The following PARN variants were observed in gnomAD, a reference collection of about 807,000 sequenced individuals.
PARN encodes the protein poly(A)-specific ribonuclease PARN.
A neutral mutation model predicts 102.8 loss-of-function variants in PARN; 71 were observed. The observed-to-expected ratio is 0.69, with a 90% CI of 0.57 to 0.84. The LOEUF (loss-of-function observed/expected upper bound fraction) is 0.84. PARN is among the 40% of genes least tolerant of loss of function. The pLI is 0.00. For synonymous variants in PARN, 261 were observed against 252.9 expected (o/e 1.03, Z -0.30); for missense variants, 782 against 760.9 (o/e 1.03, Z -0.33).
At chr16:14,452,474 G>C (rs570456464) in intron 22 of PARN, among the ~76,000 whole-genome samples, 2 of 152,310 alleles carry the variant, frequency 1.3e-5, no homozygotes, top group African/African-American at 4.8e-5. Context: ...CATGGTTCAA[G>C]TGATTCTCAT....
intron 22 of PARN, among the ~76,000 whole-genome samples, chr16:14,455,823 A>T (rs1288132993): frequency 6.6e-6 from 1 of 152,208 alleles, no homozygotes; most frequent in African/African-American, 2.4e-5. Flanking sequence ...TGGTTCTGAA[A>T]TGACGACCTT....
intron 5 of PARN, 101 bp from the exon 6 acceptor site, chr16:14,617,751 G>A (rs1972018389): frequency 1.3e-6 from 1 of 747,116 alleles, no homozygotes; most frequent in Non-Finnish European, 2.4e-6. Flanking sequence ...AGACAATATG[G>A]GAAGGAAGCG....
chr16:14,496,693 C>A (rs181828875), intron 21 of PARN, among the ~76,000 whole-genome samples: 2 of 152,294 alleles, frequency 1.3e-5, no homozygotes, highest in East Asian at 1.9e-4. Context: ...ATAAATTCCA[C>A]TCCAGGGAAG....
At chr16:14,576,279 GTTCAGA>G (rs1222922384) in intron 18 of PARN, 1 of 152,188 alleles carries the variant, frequency 6.6e-6, no homozygotes, top group African/African-American at 2.4e-5. Flanking sequence ...GCGGAACCCT[GTTCAGA>G]TTCAAAACAA....
chr16:14,468,779 T>C (rs1382409224), intron 22 of PARN, among the ~76,000 whole-genome samples: 3 of 152,058 alleles, frequency 2.0e-5, no homozygotes, highest in African/African-American at 7.2e-5. Flanking sequence ...CAGTGATGTG[T>C]GACTGCAATC....
At chr16:14,622,174 CAG>C (rs1972347551) in intron 5 of PARN, among the ~76,000 whole-genome samples, 1 of 152,142 alleles carries the variant, frequency 6.6e-6, no homozygotes, top group South Asian at 2.1e-4. Context: ...GCCTGGGTGA[CAG>C]AGTGAGACTC....
chr16:14,441,292 C>CA (rs1053568625), intron 23 of PARN, among the ~76,000 whole-genome samples: 11 of 151,678 alleles, frequency 7.3e-5, no homozygotes, highest in East Asian at 1.9e-4. Context: ...TTTTATTAAC[C>CA]AAAAAAACAA....
chr16:14,608,986 A>G (rs1971357780), intron 8 of PARN, 72 bp downstream of exon 8: 1 of 753,878 alleles, frequency 1.3e-6, no homozygotes, highest in Non-Finnish European at 2.3e-6. Flanking sequence ...TTAAAAGACT[A>G]GATGCATCAA....
chr16:14,474,567 AGG>A (rs1381677364), intron 22 of PARN, among the ~76,000 whole-genome samples: 1 of 152,242 alleles, frequency 6.6e-6, no homozygotes, highest in Non-Finnish European at 1.5e-5. Context: ...AAGAGCCAGA[AGG>A]GACGTCAGCA....
chr16:14,440,423 C>T (rs941713375), intron 23 of PARN, among the ~76,000 whole-genome samples: 1 of 152,140 alleles, frequency 6.6e-6, no homozygotes, highest in Non-Finnish European at 1.5e-5. Context: ...AATGGTGACG[C>T]CACTTTGGAA....
chr16:14,554,816 T>C (rs960978972), intron 19 of PARN, among the ~76,000 whole-genome samples: 3 of 151,926 alleles, frequency 2.0e-5, no homozygotes, highest in African/African-American at 7.3e-5. Flanking sequence ...CATTTAACTT[T>C]CCCATTTTAA....
intron 12 of PARN, 145 bp from the exon 13 acceptor site, chr16:14,593,523 A>G (rs1031995030): frequency 4.4e-6 from 2 of 449,642 alleles, no homozygotes; most frequent in Admixed American, 4.2e-5. Context: ...AAAAAAAAAA[A>G]GTACAAATAA....
chr16:14,547,107 G>A (rs78235389), intron 21 of PARN, among the ~76,000 whole-genome samples: 24,408 of 147,270 alleles, frequency 0.17, 2,371 homozygotes, highest in Middle Eastern at 0.28. Context: ...AAAAAAAAAA[G>A]AAAAAAAAAG....
intron 23 of PARN, among the ~76,000 whole-genome samples, 179 bp downstream of exon 23, chr16:14,446,709 A>G (rs1961214982): frequency 6.6e-6 from 1 of 152,194 alleles, no homozygotes; most frequent in Non-Finnish European, 1.5e-5. Context: ...CCCGAGCCAG[A>G]GCTTTTTAGG....
At chr16:14,602,501 C>T (rs1044197999) in intron 11 of PARN, among the ~76,000 whole-genome samples, 1 of 152,160 alleles carries the variant, frequency 6.6e-6, no homozygotes, top group Non-Finnish European at 1.5e-5. Flanking sequence ...GAAACCTCAT[C>T]AGGTCAAAAC....
At chr16:14,608,929 T>C in intron 8 of PARN, 129 bp downstream of exon 8, 1 of 629,256 alleles carries the variant, frequency 1.6e-6, no homozygotes, top group Non-Finnish European at 2.8e-6. Context: ...TAGTGTTTAA[T>C]TCTTGAGAAC....
rs147157943 is a variant in PARN, at chr16:14,603,253, G to A, written c.783+893C>T. On this transcript the variant is annotated intron_variant, in intron 11 of 23. Transcript: ENST00000437198. ...TCTAACTGGCACCTTTTGTTTCTGC[G>A]TTGTCCTTTTTAGTATGTGGGACAG... is the stretch of plus-strand genomic sequence containing the variant. Among the ~76,000 whole-genome samples the A allele has an allele frequency of 1.5e-4, 23 of 152,116 alleles. No individual in the cohort carries two copies. In the East Asian group the frequency reaches 3.7e-3, roughly 24 times the overall value.
chr16:14,535,489 T>G (rs945450256), intron 21 of PARN, among the ~76,000 whole-genome samples: 7 of 152,190 alleles, frequency 4.6e-5, no homozygotes, highest in Non-Finnish European at 7.3e-5. Flanking sequence ...AGATTCTTTT[T>G]CAGAATAGCA....
intron 22 of PARN, among the ~76,000 whole-genome samples, chr16:14,474,920 T>C (rs1161791937): frequency 1.3e-5 from 2 of 152,250 alleles, no homozygotes; most frequent in Non-Finnish European, 2.9e-5. Context: ...TAAAGGGCTT[T>C]TTCCTCACCT....
Sources: gnomAD v4.1 joint callset for allele counts (sites outside exome capture counted in the v4.1 genomes callset) on GRCh38, gnomAD v4.1.1 for gene constraint, MANE v1.5 for transcripts, NCBI Gene and HGNC (gene_info 2026-07-23, HGNC 2026-07-21) for gene names.